Variants in SPART observed in about 807,000 individuals in gnomAD.
SPART encodes the protein spastic paraplegia 20 (Troyer syndrome).
In SPART, 35 loss-of-function variants were observed where a neutral mutation model predicts 58.7. The observed-to-expected ratio is 0.60, with a 90% confidence interval of 0.46 to 0.79. The LOEUF (loss-of-function observed/expected upper bound fraction) is 0.79. SPART is among the 30% of genes least tolerant of loss of function. The pLI, the probability that SPART is intolerant of heterozygous loss-of-function variation, is 0.00. For synonymous variants in SPART, 284 were observed against 280.7 expected (o/e 1.01, Z -0.12); for missense variants, 730 against 786.1 (o/e 0.93, Z 0.85).
intron 5 of SPART, among the ~76,000 whole-genome samples, chr13:36,319,060 C>G (rs1204106282): frequency 2.6e-5 from 4 of 152,180 alleles, no homozygotes; most frequent in South Asian, 2.1e-4. Flanking sequence ...TTTCAAGGGC[C>G]TGTTTCCCTT....
intron 1 of SPART, among the ~76,000 whole-genome samples, chr13:36,360,274 G>GAGC: frequency 7.3e-6 from 1 of 137,140 alleles, no homozygotes; most frequent in African/African-American, 2.7e-5. Flanking sequence ...CAGCCTGGGT[G>GAGC]GAGAAAATTT....
At chr13:36,329,617 A>G (rs1343080510) in intron 3 of SPART, 100 bp from the exon 4 acceptor site, 2 of 1,285,730 alleles carry the variant, frequency 1.6e-6, no homozygotes, top group Non-Finnish European at 2.2e-6. Context: ...ACTTGTTTGA[A>G]TGTCAGTTTG....
chr13:36,368,054 G>GT (rs1263517401), intron 1 of SPART: 1 of 265,428 alleles, frequency 3.8e-6, no homozygotes, highest in African/African-American at 2.3e-5. Context: ...ATTAATATTA[G>GT]TAAACCTTTG....
chr13:36,304,250 G>C lies in SPART; in HGVS notation c.*115C>G. On this transcript the variant is annotated 3_prime_UTR_variant, in exon 9 of 9. Transcript: ENST00000438666. Reference sequence around the variant, plus strand: ...TAAAATTTATGAAAGTTAATTTGTAGGAATGAATACATTTAAAAAATACTG... The same window carrying C: ...TAAAATTTATGAAAGTTAATTTGTACGAATGAATACATTTAAAAAATACTG... 8.1e-7 allele frequency: 1 copy of C among 1,237,258 alleles called. No homozygotes were observed. Among genetic ancestry groups the C allele is most frequent in the Non-Finnish European group, 1.2e-6 (1 of 855,990 alleles). 76.6% of individuals were successfully genotyped at this position (1,237,258 alleles called of 1,614,324 possible).
At chr13:36,334,532 T>C (rs1344629820) in intron 2 of SPART, among the ~76,000 whole-genome samples, 1 of 152,138 alleles carries the variant, frequency 6.6e-6, no homozygotes, top group African/African-American at 2.4e-5. Flanking sequence ...ACTTCCAGTA[T>C]GACAACCAAA....
chr13:36,312,632 C>A, intron 6 of SPART, 155 bp from the exon 7 acceptor site: 1 of 858,618 alleles, frequency 1.2e-6, no homozygotes, highest in Non-Finnish European at 1.8e-6. Flanking sequence ...GAGAGGAGGT[C>A]TCACTATGTT....
Position 36,304,264 on chromosome 13 carries a change from T to A in SPART, c.*101A>T. 7.2e-7 allele frequency: 1 copy of A among 1,386,766 alleles called. No individual in the cohort carries two copies. Among genetic ancestry groups the A allele is most frequent in the South Asian group, 1.2e-5 (1 of 84,348 alleles). 85.9% of individuals were successfully genotyped at this position (1,386,766 alleles called of 1,614,324 possible). ...GTTAATTTGTAGGAATGAATACATT[T>A]AAAAAATACTGGTTAATCTGTGAGG... On this transcript the variant is annotated 3_prime_UTR_variant, in exon 9 of 9. Transcript: ENST00000438666.
chr13:36,352,245 T>G (rs933646622), intron 1 of SPART, among the ~76,000 whole-genome samples: 1 of 152,216 alleles, frequency 6.6e-6, no homozygotes, highest in Non-Finnish European at 1.5e-5. Context: ...AGTATAACTT[T>G]CCTCTTACAG....
At chr13:36,315,858 G>A (rs922951110) in intron 5 of SPART, among the ~76,000 whole-genome samples, 6 of 152,076 alleles carry the variant, frequency 3.9e-5, no homozygotes, top group African/African-American at 9.7e-5. Context: ...AGAAATAACA[G>A]GGATGAAGTC....
At chr13:36,314,464 T>A in intron 5 of SPART, 43 bp from the exon 6 acceptor site, 1 of 1,575,662 alleles carries the variant, frequency 6.3e-7, no homozygotes, top group Non-Finnish European at 8.7e-7. Context: ...TTAGGGCTAA[T>A]TATGCTTTTG....
chr13:36,340,864 G>C (rs562673057), intron 1 of SPART, among the ~76,000 whole-genome samples: 6 of 152,284 alleles, frequency 3.9e-5, no homozygotes, highest in Non-Finnish European at 8.8e-5. Context: ...AAATGATGTT[G>C]AGCAAGAAAT....
upstream of SPART, among the ~76,000 whole-genome samples, chr13:36,350,967 G>A (rs752173253): frequency 1.2e-4 from 18 of 152,010 alleles, no homozygotes; most frequent in Admixed American, 3.9e-4. Flanking sequence ...TACATACCCC[G>A]GTCAAATATT....
intron 1 of SPART, among the ~76,000 whole-genome samples, chr13:36,361,142 A>G (rs1190578987): frequency 6.6e-6 from 1 of 152,168 alleles, no homozygotes; most frequent in African/African-American, 2.4e-5. Context: ...AAGCAAACCA[A>G]CTTATATACA....
Position 36,336,606 on chromosome 13 carries a change from A to G in SPART, c.-2-774T>C, listed in dbSNP as rs9575933. On this transcript the variant is annotated intron_variant, in intron 1 of 8. Coordinates refer to ENST00000438666, the MANE Select transcript of SPART (RefSeq NM_015087.5). ...CTACCTTGCTGGTGAAAGCTGAAAA[A>G]TGATACAACATTTTGGAAAACCGGC... Among the ~76,000 whole-genome samples the G allele has an allele frequency of 0.23, 35,526 of 152,170 alleles. 4,724 individuals carry two copies. Among genetic ancestry groups the G allele is most frequent in the East Asian group, 0.51 (2,636 of 5,156 alleles).
intron 2 of SPART, among the ~76,000 whole-genome samples, chr13:36,333,120 C>T (rs1347811002): frequency 6.6e-6 from 1 of 151,404 alleles, no homozygotes; most frequent in Non-Finnish European, 1.5e-5. Context: ...AAAAAACCAA[C>T]ACTTTATAGA....
Position 36,318,252 on chromosome 13 carries a change from C to T in SPART, c.1289-3831G>A, listed in dbSNP as rs967960333. Among the ~76,000 whole-genome samples, 10 of 152,288 alleles carry T rather than the reference C, an allele frequency of 6.6e-5. No individual in the cohort carries two copies. The East Asian group carries it at 9.7e-4, about 15-fold the overall frequency. ...TTTAGTTCTGTGACTAGCCCTCCCC[C>T]TCCTGCCCAGCAATTTACTCTTAAA... On this transcript the variant is annotated intron_variant, in intron 5 of 8. Transcript: ENST00000438666.
chr13:36,310,289 T>G (rs778426597), intron 8 of SPART, among the ~76,000 whole-genome samples: 2 of 152,212 alleles, frequency 1.3e-5, no homozygotes, highest in Non-Finnish European at 2.9e-5. Context: ...TTCTTTTTTC[T>G]TTCTAAATAA....
At chr13:36,317,004 C>A (rs528053975) in intron 5 of SPART, among the ~76,000 whole-genome samples, 1 of 152,332 alleles carries the variant, frequency 6.6e-6, no homozygotes, top group East Asian at 1.9e-4. Context: ...ACACTTCAAT[C>A]TCTCCCTTCT....
intron 1 of SPART, among the ~76,000 whole-genome samples, chr13:36,363,548 G>C (rs1295983880): frequency 1.3e-5 from 2 of 152,068 alleles, no homozygotes; most frequent in African/African-American, 2.4e-5. Context: ...TTGACCAGAG[G>C]CAGATTTTGG....
Sources: allele counts gnomAD v4.1 joint callset (sites outside exome capture counted in the v4.1 genomes callset), GRCh38; gene constraint gnomAD v4.1.1; transcripts MANE v1.5; gene names NCBI Gene and HGNC (gene_info 2026-07-23, HGNC 2026-07-21).